Variants in STAB2 observed in about 807,000 individuals in gnomAD.
The protein encoded by STAB2 is stabilin 2, also known as stabilin-2.
In STAB2, 288 loss-of-function variants were observed where a neutral mutation model predicts 338.1. The observed-to-expected ratio is 0.85, with a 90% CI of 0.77 to 0.94. The LOEUF (loss-of-function observed/expected upper bound fraction) is 0.94. Ranked by LOEUF, STAB2 falls within the 40% of genes least tolerant of loss-of-function variation. The probability of loss-of-function intolerance (pLI) is 0.00; values close to 1 mark genes in which losing one functional copy is unlikely to be tolerated. For synonymous variants in STAB2, 1,202 were observed against 1,193.3 expected, an observed-to-expected ratio of 1.01 and a Z score of -0.15; for missense variants, 3,141 against 3,210.1, an observed-to-expected ratio of 0.98 and a Z score of 0.52.
At chr12:103,593,067 T>C (rs1438100300) in intron 2 of STAB2, among the ~76,000 whole-genome samples, 1 of 152,216 alleles carries the variant, frequency 6.6e-6, no homozygotes, top group African/African-American at 2.4e-5. Flanking sequence ...CATTCATCCA[T>C]TGATGGATGT....
At position 103,648,888 on chromosome 12, in the gene STAB2, T is replaced by C; in HGVS notation, c.1174+65T>C. 6 of 1,579,188 alleles carry C rather than the reference T, an allele frequency of 3.8e-6. No homozygotes were observed. In the South Asian group the frequency reaches 5.9e-5, roughly 16 times the overall value. On this transcript the variant is annotated intron_variant, in intron 10 of 68. Coordinates refer to ENST00000388887, the MANE Select transcript of STAB2 (RefSeq NM_017564.10). Reference sequence around the variant, plus strand: ...CTTTCAGGAAAGGGCATCTGCAAGATACAATGATTCAGAAAGGGACAGGCG... The same window carrying C: ...CTTTCAGGAAAGGGCATCTGCAAGACACAATGATTCAGAAAGGGACAGGCG...
chr12:103,750,856 C>A, intron 60 of STAB2, 136 bp downstream of exon 60: 1 of 1,210,900 alleles, frequency 8.3e-7, no homozygotes, highest in Non-Finnish European at 1.1e-6. Context: ...TTTGGGAGGC[C>A]AAGGCAGATG....
intron 61 of STAB2, among the ~76,000 whole-genome samples, chr12:103,754,104 CAACCTCCATCACT>C (rs1883909540): frequency 6.6e-6 from 1 of 152,072 alleles, no homozygotes; most frequent in Non-Finnish European, 1.5e-5. Flanking sequence ...GCCCCTTCTC[CAACCTCCATCACT>C]AACAAATCTC....
intron 64 of STAB2, among the ~76,000 whole-genome samples, chr12:103,758,771 CA>C (rs1189012763): frequency 6.6e-6 from 1 of 152,222 alleles, no homozygotes; most frequent in Non-Finnish European, 1.5e-5. Flanking sequence ...CATATCACGG[CA>C]CACAGAGGAT....
At chr12:103,638,933 A>G (rs999244632) in intron 8 of STAB2, among the ~76,000 whole-genome samples, 1 of 152,234 alleles carries the variant, frequency 6.6e-6, no homozygotes, top group African/African-American at 2.4e-5. Context: ...CCAAACAGCC[A>G]TGCAGTCTAA....
intron 1 of STAB2, among the ~76,000 whole-genome samples, chr12:103,589,728 T>C (rs568850798): frequency 2.3e-4 from 35 of 152,252 alleles, no homozygotes; most frequent in African/African-American, 8.4e-4. Context: ...AGGATATGGT[T>C]CAGCAGCCCA....
At chr12:103,703,995 A>C (rs1287360944) in intron 35 of STAB2, among the ~76,000 whole-genome samples, 1 of 152,196 alleles carries the variant, frequency 6.6e-6, no homozygotes, top group Non-Finnish European at 1.5e-5. Flanking sequence ...AGGGGTTTAA[A>C]TGTAGGCAGC....
chr12:103,593,102 A>G (rs979098488), intron 2 of STAB2, among the ~76,000 whole-genome samples: 39 of 152,164 alleles, frequency 2.6e-4, no homozygotes, highest in African/African-American at 8.7e-4. Context: ...TGTCTTGGCT[A>G]TTGTGAATAA....
At position 103,637,213 on chromosome 12, in the gene STAB2, G is replaced by A. The variant is rs1210789929; in HGVS notation, c.686G>A (p.Arg229Gln). The A allele has an allele frequency of 5.0e-6, 8 of 1,611,740 alleles. No homozygotes were observed. The highest frequency in any genetic ancestry group is 1.7e-5 in the Admixed American group (1 of 59,344). ...GAATGCAAATGCCTTCCCAATTACC[G>A]AGGCGATGGCAAATACTGCGACCGT... ...KLECKCLPNY[R>Q]GDGKYCDPIN... Residue 229 changes from arginine to glutamine, a missense_variant, in exon 7 of 69, where the codon CGA becomes CAA. Physicochemically the swap from Arg to Gln is conservative, Grantham distance 43. Coordinates refer to ENST00000388887, the MANE Select transcript of STAB2 (RefSeq NM_017564.10).
chr12:103,763,444 T>C, intron 67 of STAB2, 48 bp from the exon 68 acceptor site: 1 of 1,577,934 alleles, frequency 6.3e-7, no homozygotes, highest in African/African-American at 1.3e-5. Context: ...GCTGAGACGC[T>C]CCTGCTTTGG....
At chr12:103,747,602 G>A (rs1883169140) in intron 58 of STAB2, among the ~76,000 whole-genome samples, 3 of 152,232 alleles carry the variant, frequency 2.0e-5, no homozygotes, top group African/African-American at 7.2e-5. Flanking sequence ...CCATTGGCTG[G>A]AATCTCATCA....
At chr12:103,692,330 C>A (rs1429247060) in intron 30 of STAB2, among the ~76,000 whole-genome samples, 2 of 152,192 alleles carry the variant, frequency 1.3e-5, no homozygotes, top group East Asian at 1.9e-4. Flanking sequence ...TCTGTGAAGA[C>A]CCTGTCTGTA....
intron 52 of STAB2, 22 bp from the exon 53 acceptor site, chr12:103,737,598 CTCTTTCTCTTTTTT>C: frequency 1.6e-6 from 2 of 1,253,070 alleles, no homozygotes; most frequent in Non-Finnish European, 2.1e-6. Flanking sequence ...CTCTCTCTCT[CTCTTTCTCTTTTTT>C]TTTTTTTTTT....
intron 9 of STAB2, among the ~76,000 whole-genome samples, chr12:103,643,008 G>A (rs553425562): frequency 1.9e-3 from 293 of 152,252 alleles, no homozygotes; most frequent in African/African-American, 6.6e-3. Context: ...ACCATAAACT[G>A]AGTGGCTTAT....
intron 9 of STAB2, among the ~76,000 whole-genome samples, chr12:103,641,775 C>G (rs1872943566): frequency 1.3e-5 from 2 of 152,124 alleles, no homozygotes; most frequent in African/African-American, 2.4e-5. Flanking sequence ...GATAACCTAA[C>G]ATTGTGATGT....
chr12:103,602,139 CT>C (rs1956963401), intron 3 of STAB2, among the ~76,000 whole-genome samples: 1 of 152,182 alleles, frequency 6.6e-6, no homozygotes, highest in Admixed American at 6.5e-5. Context: ...CTCCCAATCC[CT>C]GGAAAATACT....
intron 30 of STAB2, among the ~76,000 whole-genome samples, chr12:103,691,445 A>G (rs1290448642): frequency 2.0e-5 from 3 of 152,226 alleles, no homozygotes; most frequent in Admixed American, 6.5e-5. Flanking sequence ...TTAATATCTT[A>G]TGATAATTCT....
At chr12:103,672,399 C>A (rs1452171265) in intron 22 of STAB2, among the ~76,000 whole-genome samples, 1 of 152,236 alleles carries the variant, frequency 6.6e-6, no homozygotes, top group Non-Finnish European at 1.5e-5. Context: ...GGGCGGTGGC[C>A]TTCCAGCTGT....
intron 52 of STAB2, 29 bp from the exon 53 acceptor site, chr12:103,737,598 CTCTTTCT>C: frequency 8.0e-7 from 1 of 1,253,070 alleles, no homozygotes; most frequent in South Asian, 1.5e-5. Context: ...CTCTCTCTCT[CTCTTTCT>C]CTTTTTTTTT....
Sources: allele counts gnomAD v4.1 joint callset (sites outside exome capture counted in the v4.1 genomes callset), GRCh38; gene constraint gnomAD v4.1.1; transcripts MANE v1.5; gene names NCBI Gene and HGNC (gene_info 2026-07-23, HGNC 2026-07-21).